PTPRD: variants seen among roughly 807,000 people sequenced by gnomAD.
The protein encoded by PTPRD is protein tyrosine phosphatase receptor type D.
In PTPRD, 34 loss-of-function variants were observed where a neutral mutation model predicts 214.5. The observed-to-expected ratio is 0.16, with a 90% CI of 0.12 to 0.21. The LOEUF (loss-of-function observed/expected upper bound fraction) is 0.21. PTPRD is among the 10% of genes least tolerant of loss of function. The pLI, the probability that PTPRD is intolerant of heterozygous loss-of-function variation, is 1.00. For missense variants in PTPRD, 2,545 were observed against 2,398.7 expected (o/e 1.06, Z -1.27); for synonymous variants, 1,128 against 845.7 (o/e 1.33, Z -5.79).
intron 9 of PTPRD, among the ~76,000 whole-genome samples, chr9:9,315,795 T>A (rs73390846): frequency 0.027 from 4,078 of 151,250 alleles, 149 homozygotes; most frequent in African/African-American, 0.08. Context: ...GTTTTTCTTG[T>A]TGCTTCATAT....
intron 3 of PTPRD, among the ~76,000 whole-genome samples, chr9:10,326,661 T>C (rs2096648626): frequency 6.6e-6 from 1 of 151,608 alleles, no homozygotes; most frequent in Admixed American, 6.6e-5. Context: ...TTTACATTTT[T>C]GAAAATGTGA....
chr9:9,263,563 G>A (rs556293646), intron 9 of PTPRD, among the ~76,000 whole-genome samples: 10 of 151,680 alleles, frequency 6.6e-5, no homozygotes, highest in African/African-American at 2.2e-4. Flanking sequence ...TTGGTACTTA[G>A]TATGGTGCCT....
At chr9:9,407,812 G>A (rs2074033918) in intron 8 of PTPRD, among the ~76,000 whole-genome samples, 1 of 151,666 alleles carries the variant, frequency 6.6e-6, no homozygotes, top group African/African-American at 2.4e-5. Flanking sequence ...TTCCATAAAA[G>A]CTAGTTGCAA....
intron 4 of PTPRD, among the ~76,000 whole-genome samples, chr9:10,029,235 T>G (rs1589254327): frequency 6.6e-6 from 1 of 152,170 alleles, no homozygotes; most frequent in African/African-American, 2.4e-5. Flanking sequence ...GGGGTGCTCA[T>G]GGAGAACCTC....
intron 8 of PTPRD, among the ~76,000 whole-genome samples, chr9:9,442,670 TA>T (rs1198899150): frequency 6.6e-6 from 1 of 152,202 alleles, no homozygotes; most frequent in Non-Finnish European, 1.5e-5. Flanking sequence ...AAAGATGTTC[TA>T]TTATATTTTC....
chr9:9,355,905 A>G (rs1379288870), intron 9 of PTPRD, among the ~76,000 whole-genome samples: 1 of 151,484 alleles, frequency 6.6e-6, no homozygotes, highest in Non-Finnish European at 1.5e-5. Flanking sequence ...AGTATCACAG[A>G]CGCCAATAGA....
intron 11 of PTPRD, among the ~76,000 whole-genome samples, chr9:8,911,872 T>C (rs1366471099): frequency 6.6e-6 from 1 of 152,124 alleles, no homozygotes; most frequent in African/African-American, 2.4e-5. Context: ...AGACATTTTA[T>C]CAAAGAAGAT....
intron 5 of PTPRD, among the ~76,000 whole-genome samples, chr9:9,803,294 T>A (rs1394270676): frequency 6.6e-6 from 1 of 150,916 alleles, no homozygotes; most frequent in Non-Finnish European, 1.5e-5. Context: ...TCAGTGATAA[T>A]CCTCATTGGT....
intron 5 of PTPRD, among the ~76,000 whole-genome samples, chr9:9,818,070 T>C (rs2049366452): frequency 6.6e-6 from 1 of 152,196 alleles, no homozygotes; most frequent in Non-Finnish European, 1.5e-5. Flanking sequence ...GGCTTATGTT[T>C]GGATATGATA....
chr9:9,808,057 C>G (rs1461444293), intron 5 of PTPRD, among the ~76,000 whole-genome samples: 1 of 152,172 alleles, frequency 6.6e-6, no homozygotes, highest in African/African-American at 2.4e-5. Context: ...AAATAGGCAA[C>G]TATCCAGCTT....
chr9:9,878,210 A>C (rs1299294297), intron 5 of PTPRD, among the ~76,000 whole-genome samples: 5 of 152,148 alleles, frequency 3.3e-5, no homozygotes, highest in Non-Finnish European at 5.9e-5. Context: ...ATACCTGAGA[A>C]AGTATCACGC....
At chr9:9,922,689 A>T (rs2153881685) in intron 5 of PTPRD, among the ~76,000 whole-genome samples, 1 of 152,254 alleles carries the variant, frequency 6.6e-6, no homozygotes, top group Admixed American at 6.5e-5. Flanking sequence ...GTTATTGGAA[A>T]AGTATGAAAA....
At chr9:10,556,137 C>A (rs2062534069) in intron 2 of PTPRD, among the ~76,000 whole-genome samples, 1 of 151,896 alleles carries the variant, frequency 6.6e-6, no homozygotes, top group Admixed American at 6.6e-5. Flanking sequence ...TATTTGCAAC[C>A]AAAGATGTTT....
intron 3 of PTPRD, among the ~76,000 whole-genome samples, chr9:10,258,834 C>T (rs147931000): frequency 2.0e-4 from 31 of 152,158 alleles, no homozygotes; most frequent in African/African-American, 6.7e-4. Context: ...AATACACTAT[C>T]GTTTTTATTT....
intron 7 of PTPRD, among the ~76,000 whole-genome samples, chr9:9,581,557 C>T (rs1230077521): frequency 2.0e-5 from 3 of 152,058 alleles, no homozygotes; most frequent in African/African-American, 7.2e-5. Flanking sequence ...TAAAACCTTG[C>T]ACATTATAAA....
Position 10,103,374 on chromosome 9 carries a change from A to G in PTPRD, c.-544-69584T>C, listed in dbSNP as rs1350662208. Among the ~76,000 whole-genome samples the G allele has an allele frequency of 4.7e-5, 4 of 84,728 alleles. 1 individual carries two copies. The South Asian group carries it at 1.2e-3, about 26-fold the overall frequency. The allele number at this position is 84,728 out of a possible 152,430, so 55.6% of individuals were successfully genotyped here. ...ATTGAGTTATGACATTTTAAACTGC[A>G]TATTATATATATATATATATTTATT... On this transcript the variant is annotated intron_variant, in intron 3 of 45. Transcript: ENST00000381196.
chr9:9,178,580 G>C (rs767338959), intron 10 of PTPRD, among the ~76,000 whole-genome samples: 2 of 152,040 alleles, frequency 1.3e-5, no homozygotes, highest in African/African-American at 4.8e-5. Flanking sequence ...GACCATGTAA[G>C]TGTAGACATA....
chr9:9,262,743 C>T (rs560336752), intron 9 of PTPRD, among the ~76,000 whole-genome samples: 1 of 151,496 alleles, frequency 6.6e-6, no homozygotes, highest in Non-Finnish European at 1.5e-5. Context: ...TTTTTAATGC[C>T]ATGTTTCTTA....
chr9:9,070,161 T>G (rs377079325), intron 10 of PTPRD, among the ~76,000 whole-genome samples: 27 of 152,250 alleles, frequency 1.8e-4, no homozygotes, highest in African/African-American at 6.0e-4. Flanking sequence ...TGACTTAAAT[T>G]AGCTAGATTC....
Sources: gnomAD v4.1 joint callset for allele counts (sites outside exome capture counted in the v4.1 genomes callset) on GRCh38, gnomAD v4.1.1 for gene constraint, MANE v1.5 for transcripts, NCBI Gene and HGNC (gene_info 2026-07-23, HGNC 2026-07-21) for gene names.